CRACD: variants seen among roughly 807,000 people sequenced by gnomAD.
CRACD encodes the protein capping protein inhibiting regulator of actin dynamics.
CRACD carries 56 observed loss-of-function variants against 106.8 expected under a neutral mutation model. The observed-to-expected ratio is 0.52, with a 90% CI of 0.42 to 0.66. CRACD has a LOEUF of 0.66. Ranked by LOEUF, CRACD falls within the 30% of genes least tolerant of loss-of-function variation. CRACD has a pLI of 0.00. For missense variants in CRACD, 1,730 were observed against 1,623.2 expected, an observed-to-expected ratio of 1.07 and a Z score of -1.13; for synonymous variants, 754 against 670.8, an observed-to-expected ratio of 1.12 and a Z score of -1.92.
At chr4:56,302,774 C>G (rs1009664255) in intron 4 of CRACD, among the ~76,000 whole-genome samples, 1 of 152,122 alleles carries the variant, frequency 6.6e-6, no homozygotes, top group African/African-American at 2.4e-5. Context: ...ATAGGAAAAT[C>G]TAGACACTGG....
chr4:56,215,576 G>A (rs1417150023), intron 2 of CRACD, among the ~76,000 whole-genome samples: 1 of 152,154 alleles, frequency 6.6e-6, no homozygotes, highest in South Asian at 2.1e-4. Context: ...TGGACTATGA[G>A]CTCTTGAGAA....
intron 2 of CRACD, among the ~76,000 whole-genome samples, chr4:56,198,819 A>C (rs1737743191): frequency 6.6e-6 from 1 of 152,240 alleles, no homozygotes; most frequent in East Asian, 1.9e-4. Context: ...ATATTTAAAA[A>C]TAAGACCAAA....
At chr4:56,061,032 G>T (rs1332823495) in intron 1 of CRACD, among the ~76,000 whole-genome samples, 5 of 152,168 alleles carry the variant, frequency 3.3e-5, no homozygotes, top group African/African-American at 1.2e-4. Flanking sequence ...TAAGACAAGT[G>T]CTGACACTTG....
chr4:56,238,501 C>T (rs1160603182), intron 2 of CRACD, among the ~76,000 whole-genome samples: 1 of 152,174 alleles, frequency 6.6e-6, no homozygotes, highest in Non-Finnish European at 1.5e-5. Flanking sequence ...CACAGGCCCA[C>T]CCAGGTGGAG....
At chr4:56,275,302 A>G (rs1742614023) in intron 3 of CRACD, among the ~76,000 whole-genome samples, 1 of 152,184 alleles carries the variant, frequency 6.6e-6, no homozygotes, top group Non-Finnish European at 1.5e-5. Flanking sequence ...ATTAGGATAG[A>G]AACACAGCAA....
At chr4:56,111,290 T>C (rs370505143) in intron 1 of CRACD, among the ~76,000 whole-genome samples, 2 of 152,078 alleles carry the variant, frequency 1.3e-5, no homozygotes, top group East Asian at 3.9e-4. Flanking sequence ...CAACACTGCA[T>C]TCGAAGATAT....
At chr4:56,114,626 A>G (rs1046432419) in intron 1 of CRACD, among the ~76,000 whole-genome samples, 1 of 152,014 alleles carries the variant, frequency 6.6e-6, no homozygotes, top group Non-Finnish European at 1.5e-5. Flanking sequence ...CACTATTTCA[A>G]ACTGTAGGGC....
intron 5 of CRACD, among the ~76,000 whole-genome samples, chr4:56,310,185 T>C (rs11721942): frequency 0.62 from 93,914 of 151,962 alleles, 31,045 homozygotes; most frequent in Non-Finnish European, 0.76. Context: ...CCCTCCCTGG[T>C]CTTTCACCTT....
chr4:56,074,236 G>A (rs915902182), intron 1 of CRACD, among the ~76,000 whole-genome samples: 3 of 152,148 alleles, frequency 2.0e-5, no homozygotes, highest in Non-Finnish European at 2.9e-5. Context: ...GTCAATGGTA[G>A]CTTGATGACA....
intron 1 of CRACD, among the ~76,000 whole-genome samples, chr4:56,139,064 A>G (rs1735105704): frequency 6.6e-6 from 1 of 152,208 alleles, no homozygotes. Flanking sequence ...GTGTCTATAT[A>G]TGGTTCAAAT....
chr4:56,147,609 A>G (rs1317145643), intron 1 of CRACD, among the ~76,000 whole-genome samples: 2 of 152,190 alleles, frequency 1.3e-5, no homozygotes, highest in Admixed American at 6.5e-5. Context: ...ATTTGTATGC[A>G]AGTTTTTTGG....
chr4:56,060,551 A>G (rs1309014731), intron 1 of CRACD, among the ~76,000 whole-genome samples: 4 of 151,992 alleles, frequency 2.6e-5, no homozygotes, highest in Non-Finnish European at 5.9e-5. Flanking sequence ...CTTGGTAGCT[A>G]TGGTGTGAGG....
At chr4:56,258,884 G>A (rs1454669368) in intron 2 of CRACD, among the ~76,000 whole-genome samples, 1 of 152,136 alleles carries the variant, frequency 6.6e-6, no homozygotes, top group Non-Finnish European at 1.5e-5. Flanking sequence ...TAAGATATTT[G>A]TGTCCCATAT....
Position 56,315,902 on chromosome 4 carries a change from C to A in CRACD, c.2400C>A (p.Val800=). The stretch of plus-strand genomic sequence containing the variant: ...CCAAAGACCTCCCGTCTTTCCTTGT[C>A]CCAAGCCTTCCTTACCCTCCGCAGA... ...KFAKDLPSFL[V]PSLPYPPQKV... The change falls in exon 8 of 11, where the codon GTC becomes GTA. Residue 800 remains valine (V), a synonymous_variant. Coordinates refer to ENST00000682029, the MANE Select transcript of CRACD (RefSeq NM_001393381.1). The surrounding 1 kb of genome is among the most constrained non-coding windows in gnomAD (Gnocchi z 4.1). 6.2e-7 allele frequency: 1 copy of A among 1,614,178 alleles called. No individual in the cohort carries two copies. Among genetic ancestry groups the A allele is most frequent in the Non-Finnish European group, 8.5e-7 (1 of 1,180,036 alleles).
intron 1 of CRACD, among the ~76,000 whole-genome samples, chr4:56,142,420 T>C (rs564577745): frequency 2.0e-5 from 3 of 152,352 alleles, no homozygotes; most frequent in South Asian, 4.1e-4. Flanking sequence ...CTTTTTGTAC[T>C]GTCCGCCTTG....
In CRACD at chr4:56,315,105, C is replaced by T. The variant is rs1745499907; in HGVS notation, c.1603C>T (p.Arg535Trp). The T allele has an allele frequency of 6.2e-7, 1 of 1,610,828 alleles. No homozygotes were observed. The highest frequency in any genetic ancestry group is 8.5e-7 in the Non-Finnish European group (1 of 1,179,040). Residue 535 changes from arginine (R) to tryptophan (W), a missense_variant, in exon 8 of 11, where the codon CGG becomes TGG. Transcript: ENST00000682029. The surrounding 1 kb of genome is among the most constrained non-coding windows in gnomAD (Gnocchi z 4.1). ...QEVDERQTMP[R>W]PYTFQVSSGG... ...GGTGGACGAGAGACAGACCATGCCC[C>T]GGCCCTACACGTTCCAGGTGTCCTC...
At chr4:56,216,700 G>A (rs1328066812) in intron 2 of CRACD, among the ~76,000 whole-genome samples, 1 of 152,146 alleles carries the variant, frequency 6.6e-6, no homozygotes, top group African/African-American at 2.4e-5. Flanking sequence ...AAAATGTCAG[G>A]CCGGGCGCGG....
chr4:56,309,009 G>T, intron 5 of CRACD: 1 of 675,246 alleles, frequency 1.5e-6, no homozygotes, highest in Non-Finnish European at 2.3e-6. Flanking sequence ...CTAATGAGAG[G>T]GTGTAACAAA....
intron 1 of CRACD, among the ~76,000 whole-genome samples, chr4:56,098,283 T>C (rs1733661072): frequency 6.6e-6 from 1 of 152,232 alleles, no homozygotes; most frequent in South Asian, 2.1e-4. Context: ...AGTAGAGTGA[T>C]AGATTCTGGT....
Sources: gnomAD v4.1 joint callset for allele counts (sites outside exome capture counted in the v4.1 genomes callset) on GRCh38, gnomAD v4.1.1 for gene constraint, Gnocchi (gnomAD v3.1) non-coding constraint, MANE v1.5 for transcripts, NCBI Gene and HGNC (gene_info 2026-07-23, HGNC 2026-07-21) for gene names.